DCDC1: variants seen among roughly 807,000 people sequenced by gnomAD.
DCDC1 encodes doublecortin domain-containing protein 1.
Under a neutral mutation model 178.3 loss-of-function variants are expected in DCDC1, and 200 were observed. The ratio of observed to expected loss-of-function variants is 1.12; its 90% confidence interval spans 1.00 to 1.26. The LOEUF is 1.26. DCDC1 is among the 50% of genes most tolerant of loss of function. DCDC1 has a pLI of 0.00. For synonymous variants in DCDC1, 690 were observed against 604.8 expected (o/e 1.14, Z -2.07); for missense variants, 1,983 against 1,749.2 (o/e 1.13, Z -2.38).
chr11:31,229,380 T>C (rs932374680), intron 9 of DCDC1, among the ~76,000 whole-genome samples: 1 of 152,060 alleles, frequency 6.6e-6, no homozygotes, highest in Non-Finnish European at 1.5e-5. Flanking sequence ...TCAAGTAACA[T>C]ATATAAGGAG....
intron 1 of DCDC1, among the ~76,000 whole-genome samples, chr11:31,354,932 T>C (rs1951256236): frequency 6.6e-6 from 1 of 152,090 alleles, no homozygotes; most frequent in African/African-American, 2.4e-5. Flanking sequence ...TTCCCTCAAC[T>C]TTTGACCTTT....
intron 20 of DCDC1, among the ~76,000 whole-genome samples, chr11:30,987,992 G>A (rs1407248449): frequency 6.6e-6 from 1 of 152,156 alleles, no homozygotes; most frequent in African/African-American, 2.4e-5. Context: ...GCAGTGTGGG[G>A]TGAGGGAAGC....
At chr11:31,208,600 C>T (rs1972134924) in intron 9 of DCDC1, among the ~76,000 whole-genome samples, 1 of 152,136 alleles carries the variant, frequency 6.6e-6, no homozygotes, top group South Asian at 2.1e-4. Context: ...CTCCTCAATA[C>T]TTTCCAAGAG....
intron 6 of DCDC1, among the ~76,000 whole-genome samples, chr11:31,296,095 A>G (rs1947665593): frequency 6.6e-6 from 1 of 152,112 alleles, no homozygotes; most frequent in Non-Finnish European, 1.5e-5. Context: ...TCAGTCAGCC[A>G]GCCAGCCAGC....
At position 31,305,589 on chromosome 11, in the gene DCDC1, T is replaced by G. The variant is rs768481482; in HGVS notation, c.754+26A>C. 3.7e-6 allele frequency: 6 copies of G among 1,610,746 alleles called. No individual in the cohort carries two copies. In the East Asian group the frequency reaches 1.3e-4, roughly 36 times the overall value. On this transcript the variant is annotated intron_variant, in intron 6 of 38. Coordinates refer to ENST00000684477, the MANE Select transcript of DCDC1 (RefSeq NM_001387274.1). ...TTAAGCAATTCAGTATGTGTGGGGG[T>G]AGGGTATTTTTTAGATCTTTTTTAC...
chr11:31,234,924 A>G (rs1370968336), intron 9 of DCDC1, among the ~76,000 whole-genome samples: 1 of 152,212 alleles, frequency 6.6e-6, no homozygotes, highest in Non-Finnish European at 1.5e-5. Context: ...TCTCATTTCA[A>G]AAGAGTCATA....
intron 20 of DCDC1, among the ~76,000 whole-genome samples, chr11:30,969,679 A>G (rs1307733070): frequency 6.6e-6 from 1 of 152,218 alleles, no homozygotes; most frequent in Non-Finnish European, 1.5e-5. Flanking sequence ...AGAAAATTTT[A>G]TAATTCATAT....
chr11:31,220,959 C>T (rs921446454), intron 9 of DCDC1, among the ~76,000 whole-genome samples: 1 of 152,066 alleles, frequency 6.6e-6, no homozygotes, highest in African/African-American at 2.4e-5. Flanking sequence ...GACACTATTC[C>T]TACTGGATCA....
rs1565238081 is a variant in DCDC1, at chr11:31,064,614, T to G, written c.2446A>C (p.Ser816Arg). Residue 816 changes from serine to arginine, a missense_variant, in exon 20 of 39, where the codon AGT becomes CGT. Ser to Arg is a moderately radical substitution (Grantham distance 110, BLOSUM62 -1). Transcript: ENST00000684477. Reference protein sequence around the residue: ...RNLAEEVLQESASNLGLKQLP... With the variant: ...RNLAEEVLQERASNLGLKQLP... The stretch of plus-strand genomic sequence containing the variant: ...TGCTTCAGACCAAGGTTGCTGGCAC[T>G]TTCTTGCAGAACCTAATAAATGAAA... 1 of 765,740 alleles carries G rather than the reference T, an allele frequency of 1.3e-6. No homozygotes were observed. Among genetic ancestry groups the G allele is most frequent in the Non-Finnish European group, 2.4e-6 (1 of 417,502 alleles). The allele number at this position is 765,740 out of a possible 1,614,324, so 47.4% of individuals were successfully genotyped here. A position where few individuals can be genotyped will look rare whatever the true frequency, so the allele number is the denominator to read the frequency against.
Position 30,922,627 on chromosome 11 carries a change from T to A in DCDC1, c.3009A>T (p.Ser1003=). ...DLQRDELVYV[S]CGELWINPDL... is the part of the protein sequence containing the mutation. Reference sequence around the variant, plus strand: ...CAGGATTGATCCAGAGTTCTCCACATGAAACATACACCTATCAAACAAAGC... The same window carrying A: ...CAGGATTGATCCAGAGTTCTCCACAAGAAACATACACCTATCAAACAAAGC... The change falls in exon 24 of 39, where the codon TCA becomes TCT. Residue 1003 remains serine (S), a synonymous_variant. Coordinates refer to ENST00000684477, the MANE Select transcript of DCDC1 (RefSeq NM_001387274.1). 1.3e-6 allele frequency: 2 copies of A among 1,554,724 alleles called. No homozygotes were observed. Among genetic ancestry groups the A allele is most frequent in the Admixed American group, 2.2e-5 (1 of 45,826 alleles).
rs556059169 is a variant in DCDC1, at chr11:31,106,879, CA to C, written c.1668del (p.Phe556LeufsTer14). The C allele has an allele frequency of 1.3e-3, 1,009 of 766,074 alleles. 7 individuals are homozygous for C. In the African/African-American group the frequency reaches 0.016, roughly 12 times the overall value. 47.5% of individuals were successfully genotyped at this position (766,074 alleles called of 1,614,324 possible). On this transcript the variant is annotated frameshift_variant, in exon 13 of 39. Coordinates refer to ENST00000684477, the MANE Select transcript of DCDC1 (RefSeq NM_001387274.1). LOFTEE classifies it high-confidence loss of function. The part of the protein sequence containing the change: ...PGLNYSSMRL[F>X]DENGQEIKNP... ...TTCTTAATTTCTTGGCCATTCTCAT[CA>C]AAAAGCCGCATTGAAGAATAATTGA...
chr11:31,232,358 T>A lies in DCDC1; in HGVS notation c.1221+9092A>T, dbSNP rs1975880672. On this transcript the variant is annotated intron_variant, in intron 9 of 38. Coordinates refer to ENST00000684477, the MANE Select transcript of DCDC1 (RefSeq NM_001387274.1). ...TTTAAAATCCTGTTTTGGCATTTCT[T>A]CATTATTTAATATGCTGTGAACTTT... 2.0e-5 allele frequency among the ~76,000 whole-genome samples: 3 copies of A among 152,192 alleles called. No homozygotes were observed. In the South Asian group the frequency reaches 6.2e-4, roughly 32 times the overall value.
intron 28 of DCDC1, among the ~76,000 whole-genome samples, chr11:30,909,834 GA>G (rs1228362622): frequency 1.3e-5 from 2 of 152,134 alleles, no homozygotes; most frequent in Non-Finnish European, 2.9e-5. Context: ...TTCTAATTGT[GA>G]AAGTTGGCTC....
In DCDC1 at chr11:31,307,659, A is replaced by G. The variant is rs199882570; in HGVS notation, c.414T>C (p.Ser138=). The change falls in exon 4 of 39, where the codon AGT becomes AGC. Residue 138 remains serine (S), a synonymous_variant. Coordinates refer to ENST00000684477, the MANE Select transcript of DCDC1 (RefSeq NM_001387274.1). ...ISASKRNRPV[S]APVGQLRVAE... is the part of the protein sequence containing the mutation. Reference sequence around the variant, plus strand: ...ATTACCTCAGTTGACCCACTGGAGCACTGACAGGTCTGTTTCTCTTGGATG... The same window carrying G: ...ATTACCTCAGTTGACCCACTGGAGCGCTGACAGGTCTGTTTCTCTTGGATG... 7.4e-6 allele frequency: 12 copies of G among 1,613,920 alleles called. No homozygotes were observed. Among genetic ancestry groups the G allele is most frequent in the Non-Finnish European group, 1.0e-5 (12 of 1,179,942 alleles).
chr11:31,327,816 C>T (rs1949729339), intron 3 of DCDC1, among the ~76,000 whole-genome samples: 1 of 152,074 alleles, frequency 6.6e-6, no homozygotes, highest in African/African-American at 2.4e-5. Context: ...CAACCTCCAC[C>T]TCCTAGGATC....
At chr11:30,870,138 C>T (rs1941400042) in intron 38 of DCDC1, among the ~76,000 whole-genome samples, 1 of 152,126 alleles carries the variant, frequency 6.6e-6, no homozygotes, top group Non-Finnish European at 1.5e-5. Flanking sequence ...TATGTTTGTG[C>T]AAATGGAAAT....
At chr11:30,905,443 T>C (rs1012678313) in intron 30 of DCDC1, among the ~76,000 whole-genome samples, 1 of 152,316 alleles carries the variant, frequency 6.6e-6, no homozygotes, top group East Asian at 1.9e-4. Flanking sequence ...TGTTTTTTGC[T>C]TTCTCTCTGC....
chr11:31,014,253 C>G (rs374977871), intron 20 of DCDC1, among the ~76,000 whole-genome samples: 1 of 151,788 alleles, frequency 6.6e-6, no homozygotes, highest in Non-Finnish European at 1.5e-5. Flanking sequence ...CCCTTCCTCT[C>G]TTTGTTTCTT....
chr11:31,289,322 C>T (rs1947055905), intron 7 of DCDC1, among the ~76,000 whole-genome samples: 1 of 152,014 alleles, frequency 6.6e-6, no homozygotes, highest in Non-Finnish European at 1.5e-5. Flanking sequence ...TTCATCTTCT[C>T]TATTTTTCAA....
Sources: gnomAD v4.1 joint callset for allele counts (sites outside exome capture counted in the v4.1 genomes callset) on GRCh38, gnomAD v4.1.1 for gene constraint, MANE v1.5 for transcripts, NCBI Gene and HGNC (gene_info 2026-07-23, HGNC 2026-07-21) for gene names.